Variants in PITPNC1 observed in about 807,000 individuals in gnomAD.
The protein encoded by PITPNC1 is cytoplasmic phosphatidylinositol transfer protein 1.
In PITPNC1, 18 loss-of-function variants were observed where a neutral mutation model predicts 44.7. The ratio of observed to expected loss-of-function variants is 0.40; its 90% CI spans 0.28 to 0.60. The LOEUF is 0.60. Among genes scored for constraint, PITPNC1 ranks in the 20% least tolerant of loss-of-function variants. The pLI is 0.39. For synonymous variants in PITPNC1, 141 were observed against 149.6 expected, an observed-to-expected ratio of 0.94 and a Z score of 0.42; for missense variants, 290 against 418.4, an observed-to-expected ratio of 0.69 and a Z score of 2.68.
intron 1 of PITPNC1, among the ~76,000 whole-genome samples, chr17:67,521,637 G>T (rs2040326358): frequency 6.6e-6 from 1 of 152,014 alleles, no homozygotes; most frequent in African/African-American, 2.4e-5. Context: ...CACAGGGCCT[G>T]GAAGACTGGG....
intron 1 of PITPNC1, among the ~76,000 whole-genome samples, chr17:67,520,164 G>A (rs1568024290): frequency 6.6e-6 from 1 of 152,150 alleles, no homozygotes; most frequent in African/African-American, 2.4e-5. Context: ...GTTGATGGGT[G>A]CATTAGGCTT....
chr17:67,579,476 A>G (rs528958663), intron 5 of PITPNC1, among the ~76,000 whole-genome samples: 15 of 152,298 alleles, frequency 9.8e-5, no homozygotes, highest in African/African-American at 3.4e-4. Flanking sequence ...TTGAAGTGGC[A>G]GCCCAATGGG....
chr17:67,438,400 C>A (rs552976575), intron 1 of PITPNC1, among the ~76,000 whole-genome samples: 1 of 150,842 alleles, frequency 6.6e-6, no homozygotes, highest in African/African-American at 2.4e-5. Flanking sequence ...ACTGCAACCT[C>A]TGCCTCCTGG....
chr17:67,536,939 A>G (rs2040538677), intron 2 of PITPNC1, among the ~76,000 whole-genome samples: 1 of 152,200 alleles, frequency 6.6e-6, no homozygotes, highest in African/African-American at 2.4e-5. Context: ...AAGGAACACT[A>G]ATAGTGCCTA....
intron 1 of PITPNC1, among the ~76,000 whole-genome samples, chr17:67,515,248 T>A (rs1315756265): frequency 6.6e-6 from 1 of 152,186 alleles, no homozygotes; most frequent in Non-Finnish European, 1.5e-5. Flanking sequence ...CTCTAGGGGT[T>A]GTCAGCAGTT....
At chr17:67,606,937 C>A (rs986628574) in intron 5 of PITPNC1, among the ~76,000 whole-genome samples, 13 of 152,196 alleles carry the variant, frequency 8.5e-5, no homozygotes, top group Admixed American at 1.3e-4. Context: ...GAAAACCTGG[C>A]AGTCGCTTGA....
chr17:67,582,121 A>G (rs1229687279), intron 5 of PITPNC1, among the ~76,000 whole-genome samples: 2 of 152,208 alleles, frequency 1.3e-5, no homozygotes, highest in African/African-American at 4.8e-5. Context: ...TAAGAAGTAT[A>G]TATTTATCTA....
At chr17:67,437,544 G>A (rs1364461500) in intron 1 of PITPNC1, among the ~76,000 whole-genome samples, 2 of 152,140 alleles carry the variant, frequency 1.3e-5, no homozygotes, top group African/African-American at 4.8e-5. Flanking sequence ...TAGGCACTTG[G>A]TGATACTGTG....
chr17:67,528,880 C>T (rs184518676), intron 1 of PITPNC1, among the ~76,000 whole-genome samples: 2 of 152,240 alleles, frequency 1.3e-5, no homozygotes, highest in Non-Finnish European at 2.9e-5. Flanking sequence ...CTGCTTGTGT[C>T]TGAGAGTCAA....
intron 1 of PITPNC1, among the ~76,000 whole-genome samples, chr17:67,498,941 G>A (rs1056407846): frequency 7.3e-5 from 11 of 151,060 alleles, no homozygotes; most frequent in Non-Finnish European, 2.9e-5. Context: ...GCACGATCAC[G>A]GCTTATTGCA....
At chr17:67,609,059 C>T (rs1414307323) in intron 5 of PITPNC1, among the ~76,000 whole-genome samples, 1 of 147,138 alleles carries the variant, frequency 6.8e-6, no homozygotes, top group Non-Finnish European at 1.5e-5. Context: ...ACAGGGTCTT[C>T]CTATGTTGCC....
intron 5 of PITPNC1, among the ~76,000 whole-genome samples, chr17:67,583,831 G>C (rs557282814): frequency 1.3e-5 from 2 of 151,326 alleles, no homozygotes; most frequent in South Asian, 2.1e-4. Context: ...GAGTAGCTGG[G>C]AGTACAGGCG....
chr17:67,472,811 T>C (rs2039563281), intron 1 of PITPNC1, among the ~76,000 whole-genome samples: 2 of 152,086 alleles, frequency 1.3e-5, no homozygotes, highest in Admixed American at 1.3e-4. Context: ...GATTAGGCCC[T>C]GCCTCCTACA....
chr17:67,669,944 G>C (rs1391121928), intron 7 of PITPNC1, among the ~76,000 whole-genome samples: 3 of 151,776 alleles, frequency 2.0e-5, no homozygotes, highest in Non-Finnish European at 2.9e-5. Context: ...CATGGTGGTG[G>C]GTGCCTGTAA....
intron 4 of PITPNC1, among the ~76,000 whole-genome samples, chr17:67,573,140 G>A (rs965177727): frequency 2.6e-5 from 4 of 152,158 alleles, no homozygotes; most frequent in East Asian, 1.9e-4. Flanking sequence ...GAGAACATTC[G>A]CGTTCATTCT....
chr17:67,531,418 A>C (rs961232408), intron 1 of PITPNC1, among the ~76,000 whole-genome samples: 1 of 152,162 alleles, frequency 6.6e-6, no homozygotes, highest in Non-Finnish European at 1.5e-5. Flanking sequence ...CGTGGCACAG[A>C]TAGGAGACAC....
rs760478564 is a variant in PITPNC1, at chr17:67,578,274, T to A, written c.366+17T>A. The A allele has an allele frequency of 6.4e-6, 10 of 1,574,436 alleles. No individual in the cohort carries two copies. The highest frequency in any genetic ancestry group is 8.7e-6 in the Non-Finnish European group (10 of 1,146,214). Reference sequence around the variant, plus strand: ...AATGACACCGTGAGTAGCCCCTCCTTCCATGCTGCGCTCGCCTCGTGGGCT... The same window carrying A: ...AATGACACCGTGAGTAGCCCCTCCTACCATGCTGCGCTCGCCTCGTGGGCT... On this transcript the variant is annotated intron_variant, in intron 5 of 8. Coordinates refer to ENST00000581322, the MANE Select transcript of PITPNC1 (RefSeq NM_012417.4).
intron 1 of PITPNC1, among the ~76,000 whole-genome samples, chr17:67,390,862 G>C (rs1413383732): frequency 6.6e-6 from 1 of 152,174 alleles, no homozygotes; most frequent in African/African-American, 2.4e-5. Flanking sequence ...ACTGTTTGTT[G>C]ACTTAGTAAT....
intron 2 of PITPNC1, among the ~76,000 whole-genome samples, chr17:67,541,740 G>A (rs12939668): frequency 0.029 from 4,416 of 152,212 alleles, 91 homozygotes; most frequent in Middle Eastern, 0.058. Context: ...TATTTAACCC[G>A]GAAAAGCTAG....
Sources: allele counts gnomAD v4.1 joint callset (sites outside exome capture counted in the v4.1 genomes callset), GRCh38; gene constraint gnomAD v4.1.1; transcripts MANE v1.5; gene names NCBI Gene and HGNC (gene_info 2026-07-23, HGNC 2026-07-21).